The following NBEA variants were observed in gnomAD, a reference collection of about 807,000 sequenced individuals.
The protein encoded by NBEA is lysosomal-trafficking regulator 2.
In NBEA, 44 loss-of-function variants were observed where a neutral mutation model predicts 343.4. The ratio of observed to expected loss-of-function variants is 0.13; its 90% CI spans 0.10 to 0.16. The LOEUF (loss-of-function observed/expected upper bound fraction) is 0.16, where lower values mean the gene tolerates loss of function less well. Among genes scored for constraint, NBEA ranks in the 10% least tolerant of loss-of-function variants. The probability of loss-of-function intolerance (pLI) is 1.00; values close to 1 mark genes in which losing one functional copy is unlikely to be tolerated. For synonymous variants in NBEA, 1,175 were observed against 1,238.7 expected, an observed-to-expected ratio of 0.95 and a Z score of 1.08; for missense variants, 2,555 against 3,631.3, an observed-to-expected ratio of 0.70 and a Z score of 7.62.
chr13:35,575,336 C>T lies in NBEA; in HGVS notation c.7035+8319C>T, dbSNP rs1003234947. Among the ~76,000 whole-genome samples the T allele has an allele frequency of 3.3e-5, 5 of 152,044 alleles. No homozygotes were observed. The East Asian group carries it at 5.8e-4, about 18-fold the overall frequency. ...AATGTTTAATCCACACTTACAAGAA[C>T]GTAATTTTAACATATTTTAGAGAAA... On this transcript the variant is annotated intron_variant, in intron 45 of 58. Coordinates refer to ENST00000379939, the MANE Select transcript of NBEA (RefSeq NM_001385012.1).
At chr13:35,020,255 A>G (rs1036489684) in intron 1 of NBEA, among the ~76,000 whole-genome samples, 1 of 152,112 alleles carries the variant, frequency 6.6e-6, no homozygotes, top group African/African-American at 2.4e-5. Flanking sequence ...TCTTTGATCT[A>G]TAGGTTATTT....
chr13:35,433,866 C>A (rs187236847), intron 39 of NBEA, among the ~76,000 whole-genome samples: 56 of 152,048 alleles, frequency 3.7e-4, no homozygotes, highest in African/African-American at 1.3e-3. Context: ...ATAATATGAT[C>A]TTAAAATTAT....
rs1446377599 is a variant in NBEA at position 35,070,793 on chromosome 13, A to G, written c.1512A>G (p.Pro504=). 1.2e-6 allele frequency: 2 copies of G among 1,610,370 alleles called. No homozygotes were observed. Among genetic ancestry groups the G allele is most frequent in the Non-Finnish European group, 1.7e-6 (2 of 1,178,846 alleles). ...TTGGAGGGATTCAAGTGCTTTTTCC[A>G]CTTTTTGCCCAATTGGATAATAGGC... ...HSIGGIQVLF[P]LFAQLDNRQL... The change falls in exon 10 of 59, where the codon CCA becomes CCG. Residue 504 remains proline (P), a synonymous_variant. Transcript: ENST00000379939.
At chr13:35,264,223 A>T (rs1483178564) in intron 34 of NBEA, among the ~76,000 whole-genome samples, 1 of 151,886 alleles carries the variant, frequency 6.6e-6, no homozygotes, top group African/African-American at 2.4e-5. Context: ...GAAATAGAAA[A>T]TCTGAACAGA....
At chr13:35,428,574 C>T (rs116931024) in intron 38 of NBEA, among the ~76,000 whole-genome samples, 3 of 152,256 alleles carry the variant, frequency 2.0e-5, no homozygotes, top group Non-Finnish European at 4.4e-5. Context: ...TTCTTCTTTA[C>T]ATCTTCTGTT....
intron 40 of NBEA, among the ~76,000 whole-genome samples, chr13:35,467,886 T>C (rs2075456727): frequency 2.6e-5 from 4 of 152,226 alleles, no homozygotes; most frequent in African/African-American, 9.6e-5. Flanking sequence ...AAATACATTA[T>C]AATTTTATGT....
At chr13:35,446,216 T>A (rs2046031833) in intron 39 of NBEA, among the ~76,000 whole-genome samples, 1 of 152,162 alleles carries the variant, frequency 6.6e-6, no homozygotes. Flanking sequence ...CAGTCTATCA[T>A]TGATGGACAT....
chr13:35,118,288 G>A lies in NBEA; in HGVS notation c.2143G>A (p.Glu715Lys). ...SILNYLLTMHEDENIHDVLQL... is the reference protein window; with the variant it reads ...SILNYLLTMHKDENIHDVLQL... Reference sequence around the variant, plus strand: ...ATTAAATTACCTACTTACGATGCATGAGGTAGGACATGTTATGGGCCTTTT... The same window carrying A: ...ATTAAATTACCTACTTACGATGCATAAGGTAGGACATGTTATGGGCCTTTT... Residue 715 changes from glutamate to lysine, a missense_variant and splice_region_variant, in exon 15 of 59, where the codon GAG (glutamate) becomes AAG (lysine). Glu to Lys is a moderately conservative substitution (Grantham distance 56). Around this residue, in one of 21 missense-constraint regions of NBEA, gnomAD observed 360 missense variants for 519.1 expected, o/e 0.69. Coordinates refer to ENST00000379939, the MANE Select transcript of NBEA (RefSeq NM_001385012.1). 6.4e-7 allele frequency: 1 copy of A among 1,567,262 alleles called. No individual in the cohort carries two copies. The highest frequency in any genetic ancestry group is 8.7e-7 in the Non-Finnish European group (1 of 1,154,256).
At chr13:35,545,574 T>C (rs2079026257) in intron 41 of NBEA, among the ~76,000 whole-genome samples, 1 of 152,244 alleles carries the variant, frequency 6.6e-6, no homozygotes. Context: ...AAAACTGTTT[T>C]AAATTGCTTA....
At chr13:35,417,042 C>T (rs1247538590) in intron 38 of NBEA, among the ~76,000 whole-genome samples, 1 of 152,122 alleles carries the variant, frequency 6.6e-6, no homozygotes, top group Non-Finnish European at 1.5e-5. Flanking sequence ...TTACAGTATT[C>T]TCTGATGGTA....
intron 1 of NBEA, among the ~76,000 whole-genome samples, chr13:35,003,813 G>C (rs1264057081): frequency 1.3e-5 from 2 of 152,026 alleles, no homozygotes; most frequent in African/African-American, 4.8e-5. Flanking sequence ...GGATATATGT[G>C]CTGGATGTGC....
intron 1 of NBEA, among the ~76,000 whole-genome samples, chr13:35,003,126 C>T (rs1030143128): frequency 7.2e-5 from 11 of 151,982 alleles, no homozygotes; most frequent in Non-Finnish European, 1.6e-4. Flanking sequence ...CAACAGAAAA[C>T]ATAAAGATGG....
At chr13:35,348,728 A>G (rs1000116246) in intron 36 of NBEA, among the ~76,000 whole-genome samples, 1 of 152,068 alleles carries the variant, frequency 6.6e-6, no homozygotes, top group Non-Finnish European at 1.5e-5. Flanking sequence ...ATAAAGTAAG[A>G]ATCTAGTCTG....
In NBEA at chr13:35,099,025, C is replaced by CTTTTT. The variant is rs35150346; in HGVS notation, c.1680+634_1680+638dup. On this transcript the variant is annotated intron_variant, in intron 11 of 58. Transcript: ENST00000379939. ...TTTCTTTGCTATCTTTTCACTTAGA[C>CTTTTT]TTTTTTTTTTTTTTTTTTGAGACAG... Among the ~76,000 whole-genome samples, 305 of 125,836 alleles carry CTTTTT rather than the reference C, an allele frequency of 2.4e-3. 3 individuals are homozygous for CTTTTT. The highest frequency in any genetic ancestry group is 8.6e-3 in the African/African-American group (288 of 33,356). 82.6% of individuals were successfully genotyped at this position (125,836 alleles called of 152,430 possible).
At chr13:35,238,784 A>G (rs2075352547) in intron 34 of NBEA, among the ~76,000 whole-genome samples, 1 of 152,176 alleles carries the variant, frequency 6.6e-6, no homozygotes. Flanking sequence ...TGGTGGCATC[A>G]ATAAATATTT....
intron 36 of NBEA, among the ~76,000 whole-genome samples, chr13:35,333,518 G>A (rs2039060329): frequency 6.6e-6 from 1 of 151,950 alleles, no homozygotes. Flanking sequence ...AGCGCCTCAG[G>A]CATTTATCCT....
intron 41 of NBEA, among the ~76,000 whole-genome samples, chr13:35,546,833 G>A (rs7997011): frequency 0.59 from 89,663 of 151,836 alleles, 26,866 homozygotes; most frequent in East Asian, 0.85. Context: ...GATTACAGGC[G>A]TGAGCCACCG....
At chr13:35,103,128 A>G (rs181200646) in intron 11 of NBEA, among the ~76,000 whole-genome samples, 5 of 151,836 alleles carry the variant, frequency 3.3e-5, no homozygotes, top group African/African-American at 7.2e-5. Flanking sequence ...GATGATTAAG[A>G]TGTTTCTTTA....
chr13:35,419,623 T>A (rs981860110), intron 38 of NBEA, among the ~76,000 whole-genome samples: 2 of 152,058 alleles, frequency 1.3e-5, no homozygotes, highest in East Asian at 3.9e-4. Context: ...TTGTAGACCA[T>A]TTCAGGAGTT....
Sources: allele counts gnomAD v4.1 joint callset (sites outside exome capture counted in the v4.1 genomes callset), GRCh38; gene constraint gnomAD v4.1.1; regional missense constraint gnomAD v4.1.1; transcripts MANE v1.5; gene names NCBI Gene and HGNC (gene_info 2026-07-23, HGNC 2026-07-21).